PFKFB3: variants seen among roughly 807,000 people sequenced by gnomAD.
PFKFB3 encodes the protein 6-phosphofructo-2-kinase/fructose-2,6-biphosphatase 3, also known as 6-phosphofructo-2-kinase/fructose-2,6-bisphosphatase 3.
In PFKFB3, 33 loss-of-function variants were observed where a neutral mutation model predicts 68.0. The ratio of observed to expected loss-of-function variants is 0.49; its 90% CI spans 0.37 to 0.65. The LOEUF (loss-of-function observed/expected upper bound fraction) is 0.65. Ranked by LOEUF, PFKFB3 falls within the 30% of genes least tolerant of loss-of-function variation. The probability of loss-of-function intolerance (pLI) is 0.00; values close to 1 mark genes in which losing one functional copy is unlikely to be tolerated. For synonymous variants in PFKFB3, 315 were observed against 288.2 expected, an observed-to-expected ratio of 1.09 and a Z score of -0.94; for missense variants, 586 against 712.2, an observed-to-expected ratio of 0.82 and a Z score of 2.02.
chr10:6,151,709 C>T (rs1056791440), intron 1 of PFKFB3, among the ~76,000 whole-genome samples: 5 of 152,150 alleles, frequency 3.3e-5, no homozygotes, highest in African/African-American at 7.2e-5. Context: ...AACGGGAAGT[C>T]GGGAGGGTAC....
chr10:6,265,334 A>G, the PFKFB3 span, among the ~76,000 whole-genome samples: 3 of 151,620 alleles, frequency 2.0e-5, no homozygotes, highest in African/African-American at 7.3e-5. Context: ...GCCTGCCTCA[A>G]CCTCCCAAAG....
In PFKFB3 at chr10:6,216,686, C is replaced by A; in HGVS notation, c.367-20C>A. The A allele has an allele frequency of 6.5e-7, 1 of 1,542,298 alleles. No individual in the cohort carries two copies. ...CTCAAACTTAGAGTTTTCTTCCTGGCCCTTTGCTCTCCATATCAGGTTTTC... is the reference window on the plus strand; with the variant it reads ...CTCAAACTTAGAGTTTTCTTCCTGGACCTTTGCTCTCCATATCAGGTTTTC... On this transcript the variant is annotated intron_variant, in intron 4 of 14. Coordinates refer to ENST00000379775, the MANE Select transcript of PFKFB3 (RefSeq NM_004566.4).
At chr10:6,276,798 G>A in the PFKFB3 span, among the ~76,000 whole-genome samples, 1 of 151,688 alleles carries the variant, frequency 6.6e-6, no homozygotes, top group African/African-American at 2.4e-5. Flanking sequence ...TATTGAGATT[G>A]GGTCACAGAA....
intron 1 of PFKFB3, chr10:6,149,841 A>C (rs1841520392): frequency 6.5e-6 from 1 of 152,804 alleles, no homozygotes; most frequent in Admixed American, 6.5e-5. Context: ...CCCCTGCTAG[A>C]ACCTCCAAAC....
chr10:6,282,857 A>G, the PFKFB3 span, among the ~76,000 whole-genome samples: 3 of 152,184 alleles, frequency 2.0e-5, no homozygotes, highest in Non-Finnish European at 4.4e-5. Context: ...TTGTCTTTGT[A>G]TGTCTGAATG....
intron 1 of PFKFB3, among the ~76,000 whole-genome samples, chr10:6,182,725 G>A (rs1292198707): frequency 1.3e-5 from 2 of 152,232 alleles, no homozygotes; most frequent in Non-Finnish European, 2.9e-5. Context: ...GTGGGGGCAG[G>A]GGGAGCTGGA....
chr10:6,174,375 C>G (rs1304675185), intron 1 of PFKFB3, among the ~76,000 whole-genome samples: 2 of 152,208 alleles, frequency 1.3e-5, no homozygotes. Context: ...AAACAATAAA[C>G]AAGTGCTGTT....
At chr10:6,261,089 T>C in the PFKFB3 span, among the ~76,000 whole-genome samples, 5 of 152,274 alleles carry the variant, frequency 3.3e-5, no homozygotes, top group African/African-American at 9.6e-5. Context: ...TATCTGATGG[T>C]ACGTAGTGGT....
At chr10:6,217,100 T>C in intron 5 of PFKFB3, 35 bp from the exon 6 acceptor site, 1 of 1,607,524 alleles carries the variant, frequency 6.2e-7, no homozygotes, top group South Asian at 1.1e-5. Context: ...CTTCGTGGTG[T>C]TTGTTTTCTA....
intron 1 of PFKFB3, among the ~76,000 whole-genome samples, chr10:6,168,024 A>C (rs1842193517): frequency 6.6e-6 from 1 of 152,202 alleles, no homozygotes; most frequent in East Asian, 1.9e-4. Flanking sequence ...ATAGTAGCTC[A>C]GTTTGCATTT....
rs766600339 is a variant in PFKFB3, at chr10:6,146,515, GACT to G, written c.16+1503_16+1505del. 141 of 1,532,686 alleles carry G rather than the reference GACT, an allele frequency of 9.2e-5. 1 individual carries two copies. Among genetic ancestry groups the G allele is most frequent in the Non-Finnish European group, 1.7e-5 (19 of 1,144,600 alleles). 94.9% of individuals were successfully genotyped at this position (1,532,686 alleles called of 1,614,324 possible). ...AATCCAGGTATGATTCGGCCACCTT[GACT>G]CTGTGGGTTCTCTGGAGGCTCTCAG... On this transcript the variant is annotated intron_variant, in intron 1 of 14. Coordinates refer to the PFKFB3 transcript ENST00000379789.
chr10:6,301,711 C>T, the PFKFB3 span, among the ~76,000 whole-genome samples: 5 of 152,202 alleles, frequency 3.3e-5, no homozygotes, highest in South Asian at 2.1e-4. Flanking sequence ...GTGTGGGGAT[C>T]GCCAAGTGTG....
downstream of PFKFB3, among the ~76,000 whole-genome samples, chr10:6,240,398 G>A (rs1004873106): frequency 2.6e-5 from 4 of 151,952 alleles, no homozygotes; most frequent in Non-Finnish European, 5.9e-5. Flanking sequence ...CCTAGTAGGT[G>A]GGATTACAGG....
chr10:6,209,508 C>T (rs540565803), intron 1 of PFKFB3, among the ~76,000 whole-genome samples: 2 of 151,916 alleles, frequency 1.3e-5, no homozygotes, highest in African/African-American at 4.8e-5. Context: ...GAGTTTTGCT[C>T]TGTTTCCCAG....
chr10:6,244,150 C>T (rs1846202104), intron 14 of PFKFB3, among the ~76,000 whole-genome samples: 1 of 152,210 alleles, frequency 6.6e-6, no homozygotes, highest in African/African-American at 2.4e-5. Flanking sequence ...GCCACTGCAC[C>T]TGAAGCTGGT....
chr10:6,211,455 C>T (rs777236957), intron 1 of PFKFB3, among the ~76,000 whole-genome samples: 1 of 152,128 alleles, frequency 6.6e-6, no homozygotes, highest in Non-Finnish European at 1.5e-5. Context: ...CAGGAGGGAC[C>T]CTTGGCCTAG....
the PFKFB3 span, among the ~76,000 whole-genome samples, chr10:6,321,936 A>G: frequency 6.6e-6 from 1 of 152,164 alleles, no homozygotes; most frequent in Non-Finnish European, 1.5e-5. Flanking sequence ...CTTCCGCTCA[A>G]GACCTCTTTT....
chr10:6,161,049 C>T (rs1323044691), intron 1 of PFKFB3, among the ~76,000 whole-genome samples: 1 of 152,072 alleles, frequency 6.6e-6, no homozygotes, highest in Non-Finnish European at 1.5e-5. Context: ...AATTCTCCTG[C>T]CTCAGACTCC....
At chr10:6,294,478 T>C in the PFKFB3 span, 6 of 234,372 alleles carry the variant, frequency 2.6e-5, no homozygotes, top group South Asian at 3.5e-4. Flanking sequence ...TCAGATCTCG[T>C]GAGACTTATT....
Sources: allele counts gnomAD v4.1 joint callset (sites outside exome capture counted in the v4.1 genomes callset), GRCh38; gene constraint gnomAD v4.1.1; transcripts MANE v1.5; gene names NCBI Gene and HGNC (gene_info 2026-07-23, HGNC 2026-07-21).